CDH18: variants seen among roughly 807,000 people sequenced by gnomAD.
The protein encoded by CDH18 is cadherin 18.
CDH18 carries 31 observed loss-of-function variants against 67.9 expected under a neutral mutation model. The observed-to-expected ratio is 0.46, with a 90% CI of 0.34 to 0.62. CDH18 has a LOEUF of 0.62. Ranked by LOEUF, CDH18 falls within the 20% of genes least tolerant of loss-of-function variation. The pLI, the probability that CDH18 is intolerant of heterozygous loss-of-function variation, is 0.01. For missense variants in CDH18, 890 were observed against 975.5 expected, an observed-to-expected ratio of 0.91 and a Z score of 1.17; for synonymous variants, 362 against 347.2, an observed-to-expected ratio of 1.04 and a Z score of -0.48.
chr5:20,027,558 C>T (rs534101675), intron 2 of CDH18, among the ~76,000 whole-genome samples: 7 of 152,222 alleles, frequency 4.6e-5, no homozygotes, highest in African/African-American at 1.7e-4. Context: ...AGTTCTTAGG[C>T]TTATAAGCAT....
At chr5:20,392,626 T>C (rs7723030) in intron 1 of CDH18, among the ~76,000 whole-genome samples, 29,415 of 151,778 alleles carry the variant, frequency 0.19, 3,135 homozygotes, top group African/African-American at 0.26. Context: ...GGAGAACAAA[T>C]GTTTTGTAGC....
chr5:19,652,342 T>C (rs1755702915), intron 5 of CDH18, among the ~76,000 whole-genome samples: 1 of 152,026 alleles, frequency 6.6e-6, no homozygotes, highest in Non-Finnish European at 1.5e-5. Context: ...CTCAGCATGA[T>C]GGTTTTAAAA....
At chr5:19,861,241 T>G (rs1296288972) in intron 2 of CDH18, among the ~76,000 whole-genome samples, 1 of 151,966 alleles carries the variant, frequency 6.6e-6, no homozygotes, top group Non-Finnish European at 1.5e-5. Context: ...CTATTGGACT[T>G]TAATTTTTCC....
At chr5:20,005,160 T>C (rs1736785257) in intron 2 of CDH18, among the ~76,000 whole-genome samples, 2 of 152,076 alleles carry the variant, frequency 1.3e-5, no homozygotes, top group African/African-American at 2.4e-5. Flanking sequence ...ATGAAGTCTA[T>C]ATAGAAACAA....
intron 10 of CDH18, among the ~76,000 whole-genome samples, chr5:19,519,286 T>C (rs1746519273): frequency 1.3e-5 from 2 of 152,278 alleles, no homozygotes; most frequent in South Asian, 4.1e-4. Flanking sequence ...CTGACGGGAC[T>C]AAAAACAAAT....
intron 1 of CDH18, among the ~76,000 whole-genome samples, chr5:20,255,959 C>G (rs1295682572): frequency 6.6e-6 from 1 of 151,536 alleles, no homozygotes; most frequent in Admixed American, 6.6e-5. Context: ...ACTGCACTTT[C>G]AAACAAAGAG....
intron 2 of CDH18, among the ~76,000 whole-genome samples, chr5:20,161,028 G>T (rs141129957): frequency 1.3e-5 from 2 of 152,320 alleles, no homozygotes; most frequent in African/African-American, 2.4e-5. Context: ...TGTGGCTGCT[G>T]TTGTGTTACA....
chr5:20,358,340 G>C (rs565318130), intron 1 of CDH18, among the ~76,000 whole-genome samples: 1 of 152,166 alleles, frequency 6.6e-6, no homozygotes, highest in Admixed American at 6.5e-5. Context: ...TAATAAAATT[G>C]GTCAATGAGA....
At chr5:19,731,746 T>A (rs1173065637) in intron 4 of CDH18, among the ~76,000 whole-genome samples, 1 of 152,192 alleles carries the variant, frequency 6.6e-6, no homozygotes, top group African/African-American at 2.4e-5. Context: ...TTTCTTGAGA[T>A]AAGCTTCCAT....
intron 7 of CDH18, among the ~76,000 whole-genome samples, chr5:19,574,010 A>G (rs1222977880): frequency 1.3e-5 from 2 of 152,168 alleles, no homozygotes; most frequent in East Asian, 1.9e-4. Context: ...TCTTTCTCAC[A>G]ATAACACTGG....
At chr5:20,562,699 T>C (rs779317507) in intron 1 of CDH18, among the ~76,000 whole-genome samples, 35 of 151,948 alleles carry the variant, frequency 2.3e-4, no homozygotes, top group Non-Finnish European at 3.7e-4. Flanking sequence ...CTTTATTCTT[T>C]TATTGGTAAA....
intron 1 of CDH18, among the ~76,000 whole-genome samples, chr5:20,326,745 G>A (rs1302487595): frequency 6.6e-6 from 1 of 152,072 alleles, no homozygotes; most frequent in African/African-American, 2.4e-5. Flanking sequence ...GTTTCACCAT[G>A]TTAGCCAAGA....
At chr5:20,565,888 C>A (rs778697406) in intron 1 of CDH18, among the ~76,000 whole-genome samples, 4 of 151,976 alleles carry the variant, frequency 2.6e-5, no homozygotes, top group Non-Finnish European at 5.9e-5. Flanking sequence ...AAATATAGAT[C>A]TCTGGTAGGT....
intron 5 of CDH18, among the ~76,000 whole-genome samples, chr5:19,661,789 A>G (rs1260847051): frequency 6.6e-6 from 1 of 152,106 alleles, no homozygotes; most frequent in Non-Finnish European, 1.5e-5. Flanking sequence ...ATATACACTC[A>G]AGCTCAGATA....
At chr5:20,321,021 A>AC in intron 1 of CDH18, among the ~76,000 whole-genome samples, 1 of 152,058 alleles carries the variant, frequency 6.6e-6, no homozygotes, top group Admixed American at 6.5e-5. Context: ...GGAAGTCTCC[A>AC]CTTGTATCCT....
intron 3 of CDH18, among the ~76,000 whole-genome samples, chr5:19,758,003 G>A (rs1184586510): frequency 6.6e-6 from 1 of 152,104 alleles, no homozygotes; most frequent in Non-Finnish European, 1.5e-5. Flanking sequence ...CTCTTCCTCT[G>A]TCAACTGATC....
chr5:19,619,825 G>A (rs1185650503), intron 5 of CDH18, among the ~76,000 whole-genome samples: 4 of 152,066 alleles, frequency 2.6e-5, no homozygotes, highest in Non-Finnish European at 5.9e-5. Flanking sequence ...GCACATTTGT[G>A]ACTCCAAGCT....
chr5:20,256,429 G>C (rs961587782), intron 1 of CDH18, among the ~76,000 whole-genome samples: 2 of 151,900 alleles, frequency 1.3e-5, no homozygotes, highest in Non-Finnish European at 2.9e-5. Flanking sequence ...CACTTACAGA[G>C]GTCAAACAGA....
intron 1 of CDH18, among the ~76,000 whole-genome samples, chr5:20,494,642 A>C (rs551435084): frequency 9.8e-5 from 15 of 152,314 alleles, no homozygotes; most frequent in Admixed American, 2.0e-4. Context: ...AGAAATGTTA[A>C]CAAGTCAGTA....
Sources: gnomAD v4.1 joint callset for allele counts (sites outside exome capture counted in the v4.1 genomes callset) on GRCh38, gnomAD v4.1.1 for gene constraint, MANE v1.5 for transcripts, NCBI Gene and HGNC (gene_info 2026-07-23, HGNC 2026-07-21) for gene names.